ADGRV1: variants seen among roughly 807,000 people sequenced by gnomAD.
ADGRV1 encodes the protein adhesion G protein-coupled receptor V1, also known as G-protein coupled receptor 98.
In ADGRV1, 359 loss-of-function variants were observed where a neutral mutation model predicts 596.2. The observed-to-expected ratio is 0.60, with a 90% CI of 0.55 to 0.66. ADGRV1 has a LOEUF of 0.66. Ranked by LOEUF, ADGRV1 falls within the 30% of genes least tolerant of loss-of-function variation. The pLI, the probability that ADGRV1 is intolerant of heterozygous loss-of-function variation, is 0.00. For synonymous variants in ADGRV1, 2,681 were observed against 2,679.2 expected (o/e 1.00, Z -0.02); for missense variants, 7,274 against 7,575.6 (o/e 0.96, Z 1.48).
rs760814922 is a variant in ADGRV1, at chr5:90,690,885, C to T, written c.6795C>T (p.Leu2265=). Residue 2265 remains leucine, a synonymous_variant, in exon 31 of 90, where the codon CTC becomes CTT. Coordinates refer to ENST00000405460, the MANE Select transcript of ADGRV1 (RefSeq NM_032119.4). ...CAATAATTCGAAATTCTGGGACACT[C>T]GGCAATGTTACTGTTCAGTGGGTTG... ...NLPIIRNSGT[L]GNVTVQWVAT... The T allele has an allele frequency of 2.0e-5, 32 of 1,613,206 alleles. No individual in the cohort carries two copies. The highest frequency in any genetic ancestry group is 8.8e-5 in the South Asian group (8 of 91,022).
intron 83 of ADGRV1, among the ~76,000 whole-genome samples, chr5:90,901,945 A>T (rs545999960): frequency 6.6e-6 from 1 of 152,124 alleles, no homozygotes; most frequent in Non-Finnish European, 1.5e-5. Flanking sequence ...GCCTCTTGGG[A>T]TAGTGGAAGC....
chr5:90,735,634 C>T (rs1203539917), intron 50 of ADGRV1, among the ~76,000 whole-genome samples: 1 of 152,146 alleles, frequency 6.6e-6, no homozygotes, highest in Non-Finnish European at 1.5e-5. Context: ...TTCATTCCTT[C>T]AATTCATGAA....
intron 85 of ADGRV1, among the ~76,000 whole-genome samples, chr5:91,071,641 C>G (rs2151391621): frequency 6.6e-6 from 1 of 152,102 alleles, no homozygotes; most frequent in East Asian, 1.9e-4. Context: ...GTTGCAGATG[C>G]TATTATAATC....
intron 15 of ADGRV1, 34 bp downstream of exon 15, chr5:90,644,903 T>C: frequency 4.4e-6 from 6 of 1,371,158 alleles, no homozygotes; most frequent in Non-Finnish European, 5.0e-6. Flanking sequence ...GCCTTACTTG[T>C]TGTAGTTGAT....
intron 21 of ADGRV1, among the ~76,000 whole-genome samples, chr5:90,660,465 A>G (rs1393147204): frequency 6.6e-6 from 1 of 152,202 alleles, no homozygotes. Context: ...TTTTAGAAAT[A>G]AAGACTACAG....
chr5:90,725,418 A>T, intron 47 of ADGRV1, 131 bp from the exon 48 acceptor site: 1 of 685,520 alleles, frequency 1.5e-6, no homozygotes, highest in Non-Finnish European at 2.5e-6. Context: ...AATGACACTT[A>T]GTTATGTGTA....
At chr5:90,791,556 T>G in intron 70 of ADGRV1, 1 of 540,844 alleles carries the variant, frequency 1.8e-6, no homozygotes, top group Non-Finnish European at 3.3e-6. Context: ...TAGATTTTTG[T>G]GTAGAAAGTA....
intron 89 of ADGRV1, among the ~76,000 whole-genome samples, chr5:91,162,915 G>A (rs1289548472): frequency 6.6e-6 from 1 of 152,154 alleles, no homozygotes; most frequent in Non-Finnish European, 1.5e-5. Flanking sequence ...GTCTAGTGGG[G>A]CTGGCCCTGG....
intron 57 of ADGRV1, among the ~76,000 whole-genome samples, chr5:90,757,362 C>G (rs1267611792): frequency 8.1e-6 from 1 of 124,098 alleles, no homozygotes; most frequent in Non-Finnish European, 1.7e-5. Context: ...AACAATCTTA[C>G]CCTTTTCTGA....
intron 18 of ADGRV1, among the ~76,000 whole-genome samples, chr5:90,652,048 C>T (rs1222472783): frequency 1.3e-5 from 2 of 151,916 alleles, no homozygotes; most frequent in Non-Finnish European, 2.9e-5. Flanking sequence ...CTACCCCCAC[C>T]CTGTACTTTG....
chr5:91,037,975 A>G (rs1045955834), intron 85 of ADGRV1, among the ~76,000 whole-genome samples: 21 of 152,236 alleles, frequency 1.4e-4, no homozygotes, highest in African/African-American at 4.6e-4. Flanking sequence ...TTGTATGTGT[A>G]TAAGGTATAC....
chr5:90,995,951 C>G (rs1327553017), intron 85 of ADGRV1, among the ~76,000 whole-genome samples: 1 of 152,120 alleles, frequency 6.6e-6, no homozygotes, highest in Non-Finnish European at 1.5e-5. Flanking sequence ...GCAGAATGTT[C>G]AAGATGTGAC....
chr5:91,099,632 G>T (rs1483667505), intron 86 of ADGRV1, among the ~76,000 whole-genome samples: 1 of 152,140 alleles, frequency 6.6e-6, no homozygotes, highest in Non-Finnish European at 1.5e-5. Flanking sequence ...ATAGCGGGGT[G>T]CGGTGGCTCA....
intron 10 of ADGRV1, among the ~76,000 whole-genome samples, chr5:90,637,391 T>G (rs999374639): frequency 6.6e-6 from 1 of 152,218 alleles, no homozygotes; most frequent in Non-Finnish European, 1.5e-5. Flanking sequence ...GGAAATATAT[T>G]CTTTAGCAAG....
intron 85 of ADGRV1, among the ~76,000 whole-genome samples, chr5:91,007,903 C>T (rs758603212): frequency 5.9e-5 from 9 of 152,012 alleles, no homozygotes; most frequent in African/African-American, 2.2e-4. Context: ...CTATTTTGCC[C>T]TTTGCTTTTT....
intron 33 of ADGRV1, among the ~76,000 whole-genome samples, chr5:90,696,359 A>G (rs1251526277): frequency 3.9e-5 from 6 of 151,962 alleles, no homozygotes; most frequent in Non-Finnish European, 8.8e-5. Flanking sequence ...TACTTCCTGG[A>G]GACTGGTACT....
chr5:91,135,577 C>T (rs548789753), intron 87 of ADGRV1, among the ~76,000 whole-genome samples: 83 of 152,334 alleles, frequency 5.4e-4, no homozygotes, highest in Middle Eastern at 6.8e-3. Context: ...TAAGAGTGAG[C>T]TTTTAATTCA....
chr5:90,766,809 G>A (rs930558088), intron 59 of ADGRV1, among the ~76,000 whole-genome samples: 11 of 152,138 alleles, frequency 7.2e-5, no homozygotes, highest in Admixed American at 2.0e-4. Context: ...TGAGAACCTT[G>A]GCTGGAGTAT....
chr5:90,908,692 G>A (rs73771118), intron 83 of ADGRV1, among the ~76,000 whole-genome samples: 29,268 of 151,922 alleles, frequency 0.19, 4,401 homozygotes, highest in African/African-American at 0.41. Context: ...GACCTTCTGC[G>A]CATTTGCCTG....
Sources: gnomAD v4.1 joint callset for allele counts (sites outside exome capture counted in the v4.1 genomes callset) on GRCh38, gnomAD v4.1.1 for gene constraint, MANE v1.5 for transcripts, NCBI Gene and HGNC (gene_info 2026-07-23, HGNC 2026-07-21) for gene names.